MGRN1: variants seen among roughly 807,000 people sequenced by gnomAD.
The protein encoded by MGRN1 is mahogunin ring finger 1.
In MGRN1, 29 loss-of-function variants were observed where a neutral mutation model predicts 69.2. That is an observed-to-expected ratio of 0.42 (90% CI 0.31 to 0.57). MGRN1 has a LOEUF of 0.57. Ranked by LOEUF, MGRN1 falls within the 20% of genes least tolerant of loss-of-function variation. The pLI, the probability that MGRN1 is intolerant of heterozygous loss-of-function variation, is 0.15. For missense variants in MGRN1, 998 were observed against 796.2 expected, an observed-to-expected ratio of 1.25 and a Z score of -3.05; for synonymous variants, 470 against 344.2, an observed-to-expected ratio of 1.37 and a Z score of -4.04.
At chr16:4,645,791 C>T (rs2078262256) in intron 1 of MGRN1, among the ~76,000 whole-genome samples, 1 of 152,116 alleles carries the variant, frequency 6.6e-6, no homozygotes, top group Non-Finnish European at 1.5e-5. Context: ...TGGGACCTGC[C>T]CCAGTGTGGC....
chr16:4,653,241 T>A (rs2078448303), intron 4 of MGRN1, among the ~76,000 whole-genome samples: 1 of 152,082 alleles, frequency 6.6e-6, no homozygotes, highest in Non-Finnish European at 1.5e-5. Flanking sequence ...ACTTGGCTGG[T>A]GTTTGTTGGT....
At position 4,639,480 on chromosome 16, in the gene MGRN1, C is replaced by T. The variant is rs180821610; in HGVS notation, c.89-10885C>T. On this transcript the variant is annotated intron_variant, in intron 1 of 16. Transcript: ENST00000262370. ...TGCAGCAACCTTCACCATTGGGCAT[C>T]ATTAGGCTGGGGGCATCTGGAAGGT... Among the ~76,000 whole-genome samples the T allele has an allele frequency of 1.5e-4, 23 of 152,296 alleles. No individual in the cohort carries two copies. In the East Asian group the frequency reaches 3.7e-3, roughly 24 times the overall value.
At chr16:4,638,836 C>G (rs569188161) in intron 1 of MGRN1, among the ~76,000 whole-genome samples, 7 of 152,330 alleles carry the variant, frequency 4.6e-5, no homozygotes, top group South Asian at 2.1e-4. Context: ...TCCCACTCCC[C>G]CTTCCTCGGG....
intron 4 of MGRN1, 136 bp downstream of exon 4, chr16:4,652,960 T>C: frequency 1.7e-6 from 2 of 1,190,490 alleles, no homozygotes; most frequent in East Asian, 3.0e-5. Flanking sequence ...TTTACCACGA[T>C]GTGAGGGGTT....
intron 15 of MGRN1, among the ~76,000 whole-genome samples, 200 bp downstream of exon 15, chr16:4,683,469 C>A (rs563514245): frequency 1.8e-4 from 28 of 152,294 alleles, no homozygotes; most frequent in Admixed American, 1.8e-3. Context: ...GCGCTGTTGA[C>A]CCTGCAGGGC....
intron 1 of MGRN1, among the ~76,000 whole-genome samples, chr16:4,643,384 C>T (rs1280354847): frequency 6.6e-6 from 1 of 150,708 alleles, no homozygotes; most frequent in Non-Finnish European, 1.5e-5. Flanking sequence ...GCGTGAGCTA[C>T]TGTACCCGGC....
At chr16:4,626,926 C>T (rs1049335676) in intron 1 of MGRN1, among the ~76,000 whole-genome samples, 2 of 152,240 alleles carry the variant, frequency 1.3e-5, no homozygotes, top group East Asian at 1.9e-4. Context: ...CACAGGTCCT[C>T]TCCAGCTGTG....
At chr16:4,655,494 C>A (rs532388865) in intron 4 of MGRN1, among the ~76,000 whole-genome samples, 1 of 151,970 alleles carries the variant, frequency 6.6e-6, no homozygotes, top group African/African-American at 2.4e-5. Flanking sequence ...GCCACTGTCC[C>A]CCTCTGTCAG....
chr16:4,679,974 C>G, intron 11 of MGRN1, 58 bp from the exon 12 acceptor site: 1 of 1,544,196 alleles, frequency 6.5e-7, no homozygotes. Flanking sequence ...CCTGTCCAGC[C>G]CACTCCAGGG....
chr16:4,665,199 A>G (rs1181320639), intron 7 of MGRN1, 48 bp downstream of exon 7: 3 of 1,606,188 alleles, frequency 1.9e-6, no homozygotes, highest in Non-Finnish European at 2.6e-6. Flanking sequence ...GGAGCTGGGC[A>G]GGGGGTGGCC....
intron 1 of MGRN1, among the ~76,000 whole-genome samples, chr16:4,636,002 A>G (rs1242818295): frequency 1.3e-5 from 2 of 150,398 alleles, no homozygotes; most frequent in Non-Finnish European, 3.0e-5. Context: ...GGGTTTCACC[A>G]TGTTGGTCAG....
intron 7 of MGRN1, among the ~76,000 whole-genome samples, chr16:4,666,909 G>T (rs945837304): frequency 9.9e-5 from 15 of 152,194 alleles, no homozygotes; most frequent in Non-Finnish European, 1.5e-4. Flanking sequence ...CAGGATGGAC[G>T]AGGGGTTGCT....
chr16:4,655,225 G>T (rs1472371045), intron 4 of MGRN1, among the ~76,000 whole-genome samples: 1 of 152,148 alleles, frequency 6.6e-6, no homozygotes, highest in East Asian at 1.9e-4. Flanking sequence ...AGTGTAAGTT[G>T]TCTATCCGCT....
At chr16:4,664,252 C>T (rs576160825) in intron 5 of MGRN1, 3 of 230,274 alleles carry the variant, frequency 1.3e-5, no homozygotes, top group Non-Finnish European at 2.6e-5. Flanking sequence ...GGAAACATAC[C>T]TAGACACAGA....
intron 11 of MGRN1, among the ~76,000 whole-genome samples, chr16:4,678,982 G>A (rs1013964100): frequency 6.6e-6 from 1 of 152,226 alleles, no homozygotes; most frequent in African/African-American, 2.4e-5. Flanking sequence ...CCAGATTTTG[G>A]GTTTGTCTTT....
intron 1 of MGRN1, among the ~76,000 whole-genome samples, chr16:4,646,099 G>A (rs1297123425): frequency 6.6e-6 from 1 of 150,886 alleles, no homozygotes; most frequent in African/African-American, 2.5e-5. Context: ...GATTGGGAGC[G>A]GCTCCGTCGG....
chr16:4,681,274 GC>G, intron 12 of MGRN1: 2 of 470,762 alleles, frequency 4.2e-6, no homozygotes, highest in Middle Eastern at 1.1e-3. Flanking sequence ...CCAGGGAGGG[GC>G]TGGTTGAGGC....
At chr16:4,641,100 T>C (rs1463303622) in intron 1 of MGRN1, among the ~76,000 whole-genome samples, 1 of 152,216 alleles carries the variant, frequency 6.6e-6, no homozygotes, top group Non-Finnish European at 1.5e-5. Flanking sequence ...CCTTTTCTTT[T>C]TCCTCCACCC....
chr16:4,668,751 CAT>C lies in MGRN1; in HGVS notation c.726+443_726+444del, dbSNP rs202117571. Among the ~76,000 whole-genome samples, 909 of 130,472 alleles carry C rather than the reference CAT, an allele frequency of 7.0e-3. 5 individuals are homozygous for C. Among genetic ancestry groups the C allele is most frequent in the African/African-American group, 0.014 (481 of 34,840 alleles). 85.6% of individuals were successfully genotyped at this position (130,472 alleles called of 152,430 possible). A position where few individuals can be genotyped will look rare whatever the true frequency, so the allele number is the denominator to read the frequency against. ...ACATAGACACATACTGATACACACACATATACCCATTCACACACACATAGACA... is the reference window on the plus strand; with the variant it reads ...ACATAGACACATACTGATACACACACATACCCATTCACACACACATAGACA... On this transcript the variant is annotated intron_variant, in intron 8 of 16. Coordinates refer to ENST00000262370, the MANE Select transcript of MGRN1 (RefSeq NM_015246.4).
Sources: allele counts gnomAD v4.1 joint callset (sites outside exome capture counted in the v4.1 genomes callset), GRCh38; gene constraint gnomAD v4.1.1; transcripts MANE v1.5; gene names NCBI Gene and HGNC (gene_info 2026-07-23, HGNC 2026-07-21).